Variants in CCDC39 observed in about 807,000 individuals in gnomAD.
CCDC39 encodes coiled-coil domain 39 molecular ruler complex subunit.
A neutral mutation model predicts 121.0 loss-of-function variants in CCDC39; 113 were observed. That is an observed-to-expected ratio of 0.93 (90% CI 0.80 to 1.09). CCDC39 has a LOEUF of 1.09. CCDC39 is among the 50% of genes least tolerant of loss of function. CCDC39 has a pLI of 0.00. For synonymous variants in CCDC39, 349 were observed against 352.2 expected, an observed-to-expected ratio of 0.99 and a Z score of 0.10; for missense variants, 1,063 against 1,074.7, an observed-to-expected ratio of 0.99 and a Z score of 0.15.
In CCDC39 at chr3:180,647,430, C is replaced by A. The variant is rs184220966; in HGVS notation, c.1363-187G>T. 2.0e-5 allele frequency among the ~76,000 whole-genome samples: 3 copies of A among 152,146 alleles called. No individual in the cohort carries two copies. In the East Asian group the frequency reaches 5.8e-4, roughly 29 times the overall value. Reference sequence around the variant, plus strand: ...TAAGAGGAACAAAAATAAACTATATCTCAACAATCAAGGTACATGATAGAC... The same window carrying A: ...TAAGAGGAACAAAAATAAACTATATATCAACAATCAAGGTACATGATAGAC... On this transcript the variant is annotated intron_variant, in intron 10 of 19. Coordinates refer to ENST00000476379, the MANE Select transcript of CCDC39 (RefSeq NM_181426.2).
intron 13 of CCDC39, among the ~76,000 whole-genome samples, chr3:180,639,799 T>A (rs1226544819): frequency 6.6e-6 from 1 of 151,824 alleles, no homozygotes; most frequent in African/African-American, 2.4e-5. Context: ...TAGAAAAAAA[T>A]TGAAAAATAA....
At position 180,642,123 on chromosome 3, in the gene CCDC39, C is replaced by A; in HGVS notation, c.1744G>T (p.Val582Phe). 1 of 1,612,650 alleles carries A rather than the reference C, an allele frequency of 6.2e-7. No individual in the cohort carries two copies. Among genetic ancestry groups the A allele is most frequent in the Non-Finnish European group, 8.5e-7 (1 of 1,178,956 alleles). ...REMLHSKAEE[V>F]LSLEKRKQQL... ...TGTTTTCTTTTTTCTAGGGAAAGAA[C>A]TTCTTCTGCCTTACTGTGAAGCATT... Residue 582 changes from valine to phenylalanine, a missense_variant, in exon 13 of 20, where the codon GTT (valine) becomes TTT (phenylalanine). By Grantham distance (50) the Val-to-Phe change is conservative (BLOSUM62 -1). Transcript: ENST00000476379.
intron 1 of CCDC39, among the ~76,000 whole-genome samples, chr3:180,671,663 C>T (rs976897610): frequency 2.6e-5 from 4 of 152,022 alleles, no homozygotes; most frequent in East Asian, 1.9e-4. Context: ...TGTGTTCAAG[C>T]GATTGTCCTT....
chr3:180,659,600 G>A lies in CCDC39; in HGVS notation c.610-20C>T, dbSNP rs775380080. ...TTCTAACTGTCAAACAGAGAGCAAA[G>A]AACATTTCTGTGAATTTAAGTGGTT... On this transcript the variant is annotated intron_variant, in intron 5 of 19. Transcript: ENST00000476379. The A allele has an allele frequency of 4.4e-6, 7 of 1,606,980 alleles. No individual in the cohort carries two copies. The South Asian group carries it at 5.6e-5, about 13-fold the overall frequency.
chr3:180,622,725 C>G (rs544557331), intron 14 of CCDC39, among the ~76,000 whole-genome samples: 99 of 152,092 alleles, frequency 6.5e-4, no homozygotes, highest in African/African-American at 2.3e-3. Context: ...TATTAAGTTG[C>G]ATATACTAAA....
chr3:180,630,596 T>C (rs1436817274), intron 14 of CCDC39, among the ~76,000 whole-genome samples: 4 of 152,182 alleles, frequency 2.6e-5, no homozygotes, highest in Admixed American at 1.3e-4. Context: ...GTTCCATCCC[T>C]TGTTTGTAGC....
intron 1 of CCDC39, among the ~76,000 whole-genome samples, chr3:180,668,052 G>C (rs1465328296): frequency 6.6e-6 from 1 of 152,160 alleles, no homozygotes; most frequent in Non-Finnish European, 1.5e-5. Context: ...TGCCATGTCA[G>C]TTCACCTTTG....
At chr3:180,662,367 T>C (rs565384098) in intron 2 of CCDC39, among the ~76,000 whole-genome samples, 2 of 152,310 alleles carry the variant, frequency 1.3e-5, no homozygotes, top group East Asian at 1.9e-4. Context: ...ACATGTTTTA[T>C]ATGAATTGAT....
Position 180,644,272 on chromosome 3 carries a change from A to T in CCDC39, c.1528-15T>A. ...TAAAGATCATTCTGCAAAAAAGAAA[A>T]AAGGTATATAAATGTATGTTTTAAA... On this transcript the variant is annotated splice_polypyrimidine_tract_variant and intron_variant, in intron 11 of 19. Transcript: ENST00000476379. 1 of 1,453,022 alleles carries T rather than the reference A, an allele frequency of 6.9e-7. No homozygotes were observed. The allele number at this position is 1,453,022 out of a possible 1,614,324, so 90.0% of individuals were successfully genotyped here.
intron 11 of CCDC39, among the ~76,000 whole-genome samples, chr3:180,646,497 T>TA (rs975898583): frequency 2.6e-5 from 4 of 152,066 alleles, no homozygotes; most frequent in South Asian, 2.1e-4. Context: ...AGAAACATAA[T>TA]AAAATGCCTA....
At chr3:180,623,001 GTTC>G (rs1250249910) in intron 14 of CCDC39, among the ~76,000 whole-genome samples, 3 of 151,658 alleles carry the variant, frequency 2.0e-5, no homozygotes, top group East Asian at 3.9e-4. Context: ...ATTTGTATTA[GTTC>G]TTCTTTGTAT....
intron 1 of CCDC39, among the ~76,000 whole-genome samples, chr3:180,675,840 A>G (rs546783381): frequency 6.6e-6 from 1 of 152,210 alleles, no homozygotes. Context: ...AAATAATACC[A>G]CACATCTACA....
chr3:180,638,800 T>C (rs1346356071), intron 13 of CCDC39, among the ~76,000 whole-genome samples: 1 of 152,058 alleles, frequency 6.6e-6, no homozygotes. Context: ...AATTAGAATG[T>C]ATACCTTCCA....
chr3:180,676,802 T>A (rs1489050918), intron 1 of CCDC39, among the ~76,000 whole-genome samples: 1 of 152,126 alleles, frequency 6.6e-6, no homozygotes, highest in Admixed American at 6.5e-5. Context: ...CATGGAATAC[T>A]ATGCAGCCAT....
intron 1 of CCDC39, among the ~76,000 whole-genome samples, chr3:180,665,796 A>C (rs1484041612): frequency 6.6e-6 from 1 of 151,760 alleles, no homozygotes; most frequent in Non-Finnish European, 1.5e-5. Flanking sequence ...TTTCTCAGAA[A>C]CATGCCTAAG....
chr3:180,659,811 A>G, intron 4 of CCDC39, 42 bp from the exon 5 acceptor site: 1 of 1,306,944 alleles, frequency 7.7e-7, no homozygotes, highest in East Asian at 2.4e-5. Flanking sequence ...TTCTCATTCT[A>G]TTAATTTAAA....
At chr3:180,633,562 G>A (rs1286207241) in intron 13 of CCDC39, among the ~76,000 whole-genome samples, 1 of 152,050 alleles carries the variant, frequency 6.6e-6, no homozygotes, top group East Asian at 1.9e-4. Context: ...GGGGAGATTA[G>A]GCAGAGGAGA....
chr3:180,671,096 C>T (rs772858331), intron 1 of CCDC39, among the ~76,000 whole-genome samples: 5 of 151,626 alleles, frequency 3.3e-5, no homozygotes, highest in Non-Finnish European at 7.4e-5. Context: ...CCTGTAATCC[C>T]ACCTACTTGC....
chr3:180,657,035 AC>A (rs1461076176), intron 6 of CCDC39, among the ~76,000 whole-genome samples: 1 of 152,112 alleles, frequency 6.6e-6, no homozygotes, highest in Non-Finnish European at 1.5e-5. Context: ...AGCTGCTTTC[AC>A]TTTTACTCTG....
Sources: gnomAD v4.1 joint callset for allele counts (sites outside exome capture counted in the v4.1 genomes callset) on GRCh38, gnomAD v4.1.1 for gene constraint, MANE v1.5 for transcripts, NCBI Gene and HGNC (gene_info 2026-07-23, HGNC 2026-07-21) for gene names.